COG5: variants seen among roughly 807,000 people sequenced by gnomAD.
The protein encoded by COG5 is conserved oligomeric Golgi complex subunit 5.
Under a neutral mutation model 110.4 loss-of-function variants are expected in COG5, and 86 were observed. The observed-to-expected ratio is 0.78, with a 90% CI of 0.65 to 0.93. COG5 has a LOEUF of 0.93. COG5 is among the 40% of genes least tolerant of loss of function. COG5 has a pLI of 0.00. For synonymous variants in COG5, 360 were observed against 334.6 expected, an observed-to-expected ratio of 1.08 and a Z score of -0.83; for missense variants, 1,077 against 987.0, an observed-to-expected ratio of 1.09 and a Z score of -1.22.
chr7:107,329,888 C>T (rs980158361), intron 10 of COG5, among the ~76,000 whole-genome samples: 2 of 152,146 alleles, frequency 1.3e-5, no homozygotes, highest in Non-Finnish European at 2.9e-5. Context: ...GAATAAGACC[C>T]TGTCTTTAAG....
intron 6 of COG5, among the ~76,000 whole-genome samples, chr7:107,454,012 T>G (rs956095182): frequency 1.3e-5 from 2 of 152,172 alleles, no homozygotes; most frequent in African/African-American, 4.8e-5. Flanking sequence ...TTAATGATAC[T>G]ATTTTAAGTT....
chr7:107,499,645 G>T (rs540985337), intron 6 of COG5, among the ~76,000 whole-genome samples: 1 of 152,196 alleles, frequency 6.6e-6, no homozygotes, highest in East Asian at 1.9e-4. Flanking sequence ...GACCTCAAGA[G>T]ATCAGGCTGC....
At chr7:107,530,516 G>C (rs754010454) in intron 5 of COG5, among the ~76,000 whole-genome samples, 1 of 147,014 alleles carries the variant, frequency 6.8e-6, no homozygotes, top group Non-Finnish European at 1.5e-5. Context: ...CAGAAGAATC[G>C]CTTGAACCCG....
chr7:107,420,575 C>A (rs139435676), intron 6 of COG5, among the ~76,000 whole-genome samples: 1 of 152,098 alleles, frequency 6.6e-6, no homozygotes, highest in Admixed American at 6.5e-5. Flanking sequence ...ATTCTCCTGC[C>A]TCAGCCTCCT....
intron 7 of COG5, among the ~76,000 whole-genome samples, chr7:107,404,180 T>C (rs1307834622): frequency 6.6e-6 from 1 of 152,158 alleles, no homozygotes; most frequent in African/African-American, 2.4e-5. Context: ...AATGAACTGA[T>C]ATTGAAAATG....
At chr7:107,414,907 T>A (rs1478340846) in intron 6 of COG5, among the ~76,000 whole-genome samples, 1 of 151,774 alleles carries the variant, frequency 6.6e-6, no homozygotes, top group Non-Finnish European at 1.5e-5. Context: ...TTTTGTATTT[T>A]AGTAGAGACG....
chr7:107,265,728 CAATT>C (rs1358260577), intron 14 of COG5, among the ~76,000 whole-genome samples: 1 of 152,096 alleles, frequency 6.6e-6, no homozygotes, highest in Non-Finnish European at 1.5e-5. Context: ...TATGTGCTCA[CAATT>C]AAATTATCAA....
chr7:107,318,345 G>T (rs1808946243), intron 11 of COG5, among the ~76,000 whole-genome samples: 1 of 151,932 alleles, frequency 6.6e-6, no homozygotes, highest in Non-Finnish European at 1.5e-5. Flanking sequence ...TTTTTTCTTT[G>T]TAGATTCCTG....
intron 11 of COG5, among the ~76,000 whole-genome samples, chr7:107,301,848 A>G (rs1807295194): frequency 6.6e-6 from 1 of 152,138 alleles, no homozygotes. Flanking sequence ...CAGCCTGGGC[A>G]ACATAGTGAG....
chr7:107,367,778 A>T (rs997012225), intron 8 of COG5, among the ~76,000 whole-genome samples: 4 of 152,076 alleles, frequency 2.6e-5, no homozygotes, highest in Admixed American at 1.3e-4. Context: ...TTAGAGACTC[A>T]GAATGGGAGA....
chr7:107,277,221 T>C (rs1189605077), intron 14 of COG5, among the ~76,000 whole-genome samples: 1 of 152,188 alleles, frequency 6.6e-6, no homozygotes, highest in Non-Finnish European at 1.5e-5. Flanking sequence ...AATGCAACTT[T>C]TCTTAAATAA....
intron 6 of COG5, among the ~76,000 whole-genome samples, chr7:107,414,567 C>T (rs188556946): frequency 2.0e-5 from 3 of 152,032 alleles, no homozygotes; most frequent in East Asian, 1.9e-4. Context: ...ACATGGCTAC[C>T]GGAATAAATG....
Position 107,342,728 on chromosome 7 carries a change from C to T in COG5, c.1027-18207G>A, listed in dbSNP as rs1328318066. On this transcript the variant is annotated intron_variant, in intron 10 of 21. Coordinates refer to ENST00000297135, the MANE Select transcript of COG5 (RefSeq NM_006348.5). ...AACCCAAAAAACCCACAGATGCTGA[C>T]GAGGCTGCAGAGAAAAGGGAATGTT... Among the ~76,000 whole-genome samples, 5 of 152,014 alleles carry T rather than the reference C, an allele frequency of 3.3e-5. No individual in the cohort carries two copies. The South Asian group carries it at 6.2e-4, about 19-fold the overall frequency.
At chr7:107,316,412 T>C (rs1205454829) in intron 11 of COG5, among the ~76,000 whole-genome samples, 1 of 152,004 alleles carries the variant, frequency 6.6e-6, no homozygotes, top group Non-Finnish European at 1.5e-5. Context: ...AAGGCTCTTA[T>C]TTGGAAGAAA....
intron 6 of COG5, among the ~76,000 whole-genome samples, chr7:107,455,868 A>G (rs1181273470): frequency 1.3e-5 from 2 of 150,990 alleles, no homozygotes; most frequent in Non-Finnish European, 3.0e-5. Flanking sequence ...ATCTCTGCAC[A>G]CTGCAACCTC....
In COG5 at chr7:107,372,530, A is replaced by G; in HGVS notation, c.835+65T>C. On this transcript the variant is annotated intron_variant, in intron 8 of 21. Transcript: ENST00000297135. ...TTGCTTTGAAACATGAGTGTTTCAC[A>G]TACTATTCAAAAGACTTCTCAGTTA... is the stretch of plus-strand genomic sequence containing the variant. 4 of 1,497,276 alleles carry G rather than the reference A, an allele frequency of 2.7e-6. No homozygotes were observed. The Middle Eastern group carries it at 5.4e-4, about 201-fold the overall frequency. The allele number at this position is 1,497,276 out of a possible 1,614,324, so 92.7% of individuals were successfully genotyped here.
intron 6 of COG5, among the ~76,000 whole-genome samples, chr7:107,507,846 C>A (rs975950949): frequency 2.6e-5 from 4 of 152,192 alleles, no homozygotes; most frequent in African/African-American, 9.6e-5. Context: ...CTCTCTTCCA[C>A]AATAAATGTA....
chr7:107,511,978 G>A (rs528863367), intron 6 of COG5, among the ~76,000 whole-genome samples: 6 of 152,212 alleles, frequency 3.9e-5, no homozygotes, highest in African/African-American at 7.2e-5. Flanking sequence ...CCCTTTGAAA[G>A]CTGGCACAAG....
At chr7:107,484,931 C>A (rs1300366780) in intron 6 of COG5, among the ~76,000 whole-genome samples, 2 of 152,136 alleles carry the variant, frequency 1.3e-5, no homozygotes. Context: ...GGTAGTACCT[C>A]CAACTGAAAA....
Sources: gnomAD v4.1 joint callset for allele counts (sites outside exome capture counted in the v4.1 genomes callset) on GRCh38, gnomAD v4.1.1 for gene constraint, MANE v1.5 for transcripts, NCBI Gene and HGNC (gene_info 2026-07-23, HGNC 2026-07-21) for gene names.